SH3GL2: variants seen among roughly 807,000 people sequenced by gnomAD.
SH3GL2 encodes the protein SH3 domain containing GRB2 like 2, endophilin A1.
SH3GL2 carries 24 observed loss-of-function variants against 46.0 expected under a neutral mutation model. The observed-to-expected ratio is 0.52, with a 90% confidence interval of 0.38 to 0.73. The LOEUF (loss-of-function observed/expected upper bound fraction) is 0.73. Among genes scored for constraint, SH3GL2 ranks in the 30% least tolerant of loss-of-function variants. SH3GL2 has a pLI of 0.00. For missense variants in SH3GL2, 413 were observed against 424.2 expected (o/e 0.97, Z 0.23); for synonymous variants, 196 against 147.1 (o/e 1.33, Z -2.40).
chr9:17,708,062 A>T lies in SH3GL2; in HGVS notation c.46-39004A>T, dbSNP rs577638754. The stretch of plus-strand genomic sequence containing the variant: ...CAAGTCCTTATCTCTCAGTGTCTCA[A>T]TTATGAATAGTTTTTGATTCAGTGT... On this transcript the variant is annotated intron_variant, in intron 1 of 8. Transcript: ENST00000380607. Among the ~76,000 whole-genome samples, 6 of 152,168 alleles carry T rather than the reference A, an allele frequency of 3.9e-5. No individual in the cohort carries two copies. The South Asian group carries it at 1.0e-3, about 26-fold the overall frequency.
At chr9:17,787,307 T>A in intron 4 of SH3GL2, 73 bp from the exon 5 acceptor site, 5 of 1,258,300 alleles carry the variant, frequency 4.0e-6, no homozygotes, top group African/African-American at 1.5e-5. Flanking sequence ...GGTTTTCATC[T>A]GTGAAGGGCC....
intron 3 of SH3GL2, among the ~76,000 whole-genome samples, chr9:17,774,550 G>A (rs1408671427): frequency 7.3e-6 from 1 of 136,712 alleles, no homozygotes; most frequent in Non-Finnish European, 1.7e-5. Context: ...TCGTGTGTGT[G>A]GTTTTTTTTT....
At chr9:17,579,519 G>C (rs976962510) in intron 1 of SH3GL2, among the ~76,000 whole-genome samples, 2 of 152,048 alleles carry the variant, frequency 1.3e-5, no homozygotes, top group African/African-American at 4.8e-5. Context: ...CGGGTCCCCG[G>C]CGTCCTGCCT....
At chr9:17,681,712 C>T (rs1588234159) in intron 1 of SH3GL2, among the ~76,000 whole-genome samples, 1 of 152,028 alleles carries the variant, frequency 6.6e-6, no homozygotes, top group South Asian at 2.1e-4. Context: ...TGGAGGATCT[C>T]ATTAAACTAA....
chr9:17,678,158 G>A (rs1429061541), intron 1 of SH3GL2, among the ~76,000 whole-genome samples: 5 of 152,074 alleles, frequency 3.3e-5, no homozygotes, highest in African/African-American at 1.2e-4. Flanking sequence ...CCAGTAATGG[G>A]ATTGCTGGGT....
At chr9:17,751,444 A>C (rs1030325082) in intron 2 of SH3GL2, among the ~76,000 whole-genome samples, 3 of 150,648 alleles carry the variant, frequency 2.0e-5, no homozygotes, top group Non-Finnish European at 4.4e-5. Flanking sequence ...TTGGCTATCA[A>C]AGCTGGGTTT....
intron 1 of SH3GL2, among the ~76,000 whole-genome samples, chr9:17,584,438 G>C (rs1398700026): frequency 2.6e-5 from 4 of 152,172 alleles, no homozygotes; most frequent in African/African-American, 9.7e-5. Context: ...AGGAGGCCGA[G>C]GTTGCAGTGA....
chr9:17,723,199 C>G (rs1821938232), intron 1 of SH3GL2, among the ~76,000 whole-genome samples: 1 of 152,040 alleles, frequency 6.6e-6, no homozygotes, highest in Admixed American at 6.6e-5. Context: ...ACATTCTCAC[C>G]TTAAGTATTT....
chr9:17,762,435 G>C (rs1353516500), intron 3 of SH3GL2, among the ~76,000 whole-genome samples: 1 of 151,306 alleles, frequency 6.6e-6, no homozygotes, highest in Non-Finnish European at 1.5e-5. Context: ...TGTGGGCTGA[G>C]AGGAAGCAGG....
At chr9:17,646,988 C>G (rs961957015) in intron 1 of SH3GL2, among the ~76,000 whole-genome samples, 2 of 152,148 alleles carry the variant, frequency 1.3e-5, no homozygotes, top group African/African-American at 4.8e-5. Flanking sequence ...CACCCCTTCC[C>G]CCAGTTGTTC....
chr9:17,633,514 G>A (rs1410989364), intron 1 of SH3GL2, among the ~76,000 whole-genome samples: 1 of 152,186 alleles, frequency 6.6e-6, no homozygotes, highest in African/African-American at 2.4e-5. Context: ...ATATAAGAAA[G>A]TGTAAATAGC....
chr9:17,660,030 C>G (rs1820175498), intron 1 of SH3GL2, among the ~76,000 whole-genome samples: 1 of 152,176 alleles, frequency 6.6e-6, no homozygotes, highest in African/African-American at 2.4e-5. Context: ...GATTATGACT[C>G]TACCACCTAT....
chr9:17,696,017 T>G (rs1219774517), intron 1 of SH3GL2, among the ~76,000 whole-genome samples: 1 of 152,102 alleles, frequency 6.6e-6, no homozygotes, highest in Non-Finnish European at 1.5e-5. Flanking sequence ...GCTGTGTTGT[T>G]GTCTGAGTTG....
Position 17,627,483 on chromosome 9 carries a change from G to A in SH3GL2, c.45+48196G>A, listed in dbSNP as rs538751954. Among the ~76,000 whole-genome samples, 7 of 152,234 alleles carry A rather than the reference G, an allele frequency of 4.6e-5. No individual in the cohort carries two copies. In the South Asian group the frequency reaches 1.5e-3, roughly 32 times the overall value. On this transcript the variant is annotated intron_variant, in intron 1 of 8. Coordinates refer to ENST00000380607, the MANE Select transcript of SH3GL2 (RefSeq NM_003026.5). ...TATGGTGAAAAGTAACAGACGTCAA[G>A]TGTTAGCAAGCAGACCCTATCTGTT... is the stretch of plus-strand genomic sequence containing the variant.
intron 1 of SH3GL2, among the ~76,000 whole-genome samples, chr9:17,645,709 T>G (rs1819798414): frequency 6.6e-6 from 1 of 152,178 alleles, no homozygotes; most frequent in South Asian, 2.1e-4. Flanking sequence ...CCCCACTGTC[T>G]TCTGGCTCCT....
rs1010061728 is a variant in SH3GL2, at chr9:17,708,355, T to C, written c.46-38711T>C. On this transcript the variant is annotated intron_variant, in intron 1 of 8. Transcript: ENST00000380607. ...TATCACGCTTTATATATTTCATTTTTTGATTTTGACTCTTAGCATTCTTTC... is the reference window on the plus strand; with the variant it reads ...TATCACGCTTTATATATTTCATTTTCTGATTTTGACTCTTAGCATTCTTTC... 3.3e-5 allele frequency among the ~76,000 whole-genome samples: 5 copies of C among 152,186 alleles called. No homozygotes were observed. In the East Asian group the frequency reaches 9.7e-4, roughly 29 times the overall value.
chr9:17,760,021 T>G (rs1421595855), intron 2 of SH3GL2, among the ~76,000 whole-genome samples: 1 of 152,178 alleles, frequency 6.6e-6, no homozygotes, highest in Non-Finnish European at 1.5e-5. Context: ...TTTGGAATTT[T>G]GCTAATACTA....
chr9:17,785,349 G>A (rs1011070410), intron 3 of SH3GL2, among the ~76,000 whole-genome samples: 1 of 152,134 alleles, frequency 6.6e-6, no homozygotes, highest in Non-Finnish European at 1.5e-5. Flanking sequence ...TAATTGTCGT[G>A]CTCATTGTAA....
chr9:17,674,139 A>G (rs1232656682), intron 1 of SH3GL2, among the ~76,000 whole-genome samples: 1 of 152,222 alleles, frequency 6.6e-6, no homozygotes, highest in African/African-American at 2.4e-5. Flanking sequence ...TTTAATGCAA[A>G]TGAGAGTTAG....
Sources: gnomAD v4.1 joint callset for allele counts (sites outside exome capture counted in the v4.1 genomes callset) on GRCh38, gnomAD v4.1.1 for gene constraint, MANE v1.5 for transcripts, NCBI Gene and HGNC (gene_info 2026-07-23, HGNC 2026-07-21) for gene names.